The following ARHGAP23 variants were observed in gnomAD, a reference collection of about 807,000 sequenced individuals.
The protein encoded by ARHGAP23 is Rho GTPase activating protein 23.
ARHGAP23 carries 34 observed loss-of-function variants against 136.3 expected under a neutral mutation model. That is an observed-to-expected ratio of 0.25 (90% CI 0.19 to 0.33). The LOEUF is 0.33. Among genes scored for constraint, ARHGAP23 ranks in the 10% least tolerant of loss-of-function variants. The probability of loss-of-function intolerance (pLI) is 1.00; values close to 1 mark genes in which losing one functional copy is unlikely to be tolerated. For synonymous variants in ARHGAP23, 832 were observed against 920.5 expected (o/e 0.90, Z 1.74); for missense variants, 1,808 against 2,139.0 (o/e 0.85, Z 3.05).
chr17:38,425,260 G>A (rs891941004), upstream of ARHGAP23, among the ~76,000 whole-genome samples: 9 of 152,084 alleles, frequency 5.9e-5, no homozygotes, highest in African/African-American at 1.7e-4. Flanking sequence ...TGCCGATGCC[G>A]GAGCCTGCTC....
At chr17:38,479,529 C>T (rs1187547997) in intron 13 of ARHGAP23, 32 bp downstream of exon 13, 21 of 1,541,438 alleles carry the variant, frequency 1.4e-5, no homozygotes, top group Non-Finnish European at 1.8e-5. Context: ...GCAGTCTCCT[C>T]TGTGGGGGTG....
At position 38,490,578 on chromosome 17, in the gene ARHGAP23, G is replaced by C. The variant is rs571411638; in HGVS notation, c.3150+27G>C. 6 of 1,479,700 alleles carry C rather than the reference G, an allele frequency of 4.1e-6. No individual in the cohort carries two copies. In the South Asian group the frequency reaches 7.3e-5, roughly 18 times the overall value. The allele number at this position is 1,479,700 out of a possible 1,614,324, so 91.7% of individuals were successfully genotyped here. ...TGGGTAGGAGTCCCGCATGGAGTCT[G>C]GGGGAGGCAAGCACGGACTTACTGT... is the stretch of plus-strand genomic sequence containing the variant. On this transcript the variant is annotated intron_variant, in intron 19 of 23. Transcript: ENST00000622683.
chr17:38,477,978 G>A lies in ARHGAP23; in HGVS notation c.2436+82G>A. 7.2e-7 allele frequency: 1 copy of A among 1,394,152 alleles called. No homozygotes were observed. The highest frequency in any genetic ancestry group is 1.2e-5 in the South Asian group (1 of 80,394). The allele number at this position is 1,394,152 out of a possible 1,614,324, so 86.4% of individuals were successfully genotyped here. A position where few individuals can be genotyped will look rare whatever the true frequency, so the allele number is the denominator to read the frequency against. On this transcript the variant is annotated intron_variant, in intron 12 of 23. Transcript: ENST00000622683. This position sits in a 1 kb window ranked among gnomAD's most constrained non-coding sequence, Gnocchi z 6.6. ...GCTGTGGACCTGGGATGCCCGCTCTGAGCCTCACTTCCCTCTGCTAGAAAG... is the reference window on the plus strand; with the variant it reads ...GCTGTGGACCTGGGATGCCCGCTCTAAGCCTCACTTCCCTCTGCTAGAAAG...
rs2039582995 is a variant in ARHGAP23 at position 38,466,038 on chromosome 17, TC to T, written c.484-128del. 7.7e-5 allele frequency: 27 copies of T among 348,408 alleles called. No individual in the cohort carries two copies. In the East Asian group the frequency reaches 1.9e-3, roughly 25 times the overall value. The allele number at this position is 348,408 out of a possible 1,614,324, so 21.6% of individuals were successfully genotyped here. A position where few individuals can be genotyped will look rare whatever the true frequency, so the allele number is the denominator to read the frequency against. ...ACCCCCACCCACTTATGCCTCTCCC[TC>T]GTTCCCCCCACCGCTTGGTCCTCTC... On this transcript the variant is annotated intron_variant, in intron 6 of 23. Transcript: ENST00000622683.
chr17:38,510,678 C>A lies in ARHGAP23; in HGVS notation c.4182C>A (p.Pro1394=). ...LAVRLRRPLS[P]ETRRRRSSWR... ...TGCGCCTGCGGCGGCCGCTGTCGCC[C>A]GAGACCCGGCGGCGCCGGAGCAGCT... The change falls in exon 24 of 24, where the codon CCC becomes CCA. Residue 1394 remains proline (P), a synonymous_variant. Coordinates refer to ENST00000622683, the MANE Select transcript of ARHGAP23 (RefSeq NM_001199417.2). The surrounding 1 kb of genome is among the most constrained non-coding windows in gnomAD (Gnocchi z 4.6). 4 of 1,409,482 alleles carry A rather than the reference C, an allele frequency of 2.8e-6. No individual in the cohort carries two copies. The highest frequency in any genetic ancestry group is 3.7e-6 in the Non-Finnish European group (4 of 1,090,396). 87.3% of individuals were successfully genotyped at this position (1,409,482 alleles called of 1,614,324 possible).
chr17:38,419,296 C>T (rs1041659494), exon 1 of ARHGAP23: 7 of 152,008 alleles, frequency 4.6e-5, no homozygotes, highest in African/African-American at 1.7e-4. Flanking sequence ...TTGGCGGTCG[C>T]CGGGTGCAGC....
At position 38,485,847 on chromosome 17, in the gene ARHGAP23, A is replaced by C. The variant is rs192410157; in HGVS notation, c.2908-215A>C. Among the ~76,000 whole-genome samples, 701 of 152,330 alleles carry C rather than the reference A, an allele frequency of 4.6e-3. 11 individuals are homozygous for C. The highest frequency in any genetic ancestry group is 0.016 in the African/African-American group (656 of 41,578). On this transcript the variant is annotated intron_variant, in intron 16 of 23. Coordinates refer to ENST00000622683, the MANE Select transcript of ARHGAP23 (RefSeq NM_001199417.2). ...GAGGTGTTGGAGCCCACGCACTGGC[A>C]GGAGCAGGGAGGGGCTGGGGCCAAG...
intron 20 of ARHGAP23, among the ~76,000 whole-genome samples, chr17:38,493,577 C>T (rs970885397): frequency 2.6e-5 from 4 of 152,164 alleles, no homozygotes; most frequent in African/African-American, 9.7e-5. Flanking sequence ...GGCATCTGAA[C>T]GTAACCAGCC....
At chr17:38,431,274 G>A in intron 1 of ARHGAP23, among the ~76,000 whole-genome samples, 1 of 152,274 alleles carries the variant, frequency 6.6e-6, no homozygotes, top group Non-Finnish European at 1.5e-5. Context: ...TTCCCACCCT[G>A]CCCCATGCTA....
intron 10 of ARHGAP23, among the ~76,000 whole-genome samples, chr17:38,471,219 C>G (rs1250950435): frequency 1.3e-5 from 2 of 152,124 alleles, no homozygotes; most frequent in Non-Finnish European, 2.9e-5. Flanking sequence ...TCCCAAAGTG[C>G]TGGGATTACA....
chr17:38,491,456 C>T lies in ARHGAP23; in HGVS notation c.3200C>T (p.Thr1067Met), dbSNP rs370007777. Residue 1067 changes from threonine (T) to methionine (M), a missense_variant, in exon 20 of 24, where the codon ACG (threonine) becomes ATG (methionine). By Grantham distance (81) the Thr-to-Met change is moderately conservative (BLOSUM62 -1). This residue lies in a region of ARHGAP23 where 22 missense variants were observed against 67.5 expected (regional missense o/e 0.33). Transcript: ENST00000622683. ...GTCTTTGGGCCGACACTGGTGAGGACGTCTGAGGACAACATGACAGACATG... is the reference window on the plus strand; with the variant it reads ...GTCTTTGGGCCGACACTGGTGAGGATGTCTGAGGACAACATGACAGACATG... ...ALVFGPTLVR[T>M]SEDNMTDMVT... The T allele has an allele frequency of 1.4e-5, 22 of 1,549,652 alleles. No individual in the cohort carries two copies. The highest frequency in any genetic ancestry group is 9.8e-5 in the East Asian group (4 of 40,918).
chr17:38,430,488 G>A (rs1284150288), intron 1 of ARHGAP23, among the ~76,000 whole-genome samples: 1 of 152,110 alleles, frequency 6.6e-6, no homozygotes, highest in African/African-American at 2.4e-5. Context: ...GGTGAGGGAG[G>A]GTGCTGGTTC....
chr17:38,505,847 G>A (rs1236437684), intron 23 of ARHGAP23, among the ~76,000 whole-genome samples: 1 of 152,218 alleles, frequency 6.6e-6, no homozygotes, highest in Non-Finnish European at 1.5e-5. Context: ...AGAATCGCTT[G>A]AACTGGGGAG....
In ARHGAP23 at chr17:38,509,997, C is replaced by T. The variant is rs1039714586; in HGVS notation, c.3501C>T (p.Ser1167=). The change falls in exon 24 of 24, where the codon TCC becomes TCT. Residue 1167 remains serine, a synonymous_variant. Coordinates refer to ENST00000622683, the MANE Select transcript of ARHGAP23 (RefSeq NM_001199417.2). ...ACGCCCGGGAGATGCTGGCGATCTC[C>T]TTCATCTCGGCCGTCAACCGCAAGC... ...EPYAREMLAI[S]FISAVNRKRK... 4.8e-6 allele frequency: 6 copies of T among 1,252,084 alleles called. No individual in the cohort carries two copies. The highest frequency in any genetic ancestry group is 4.9e-4 in the Middle Eastern group (2 of 4,092). 77.6% of individuals were successfully genotyped at this position (1,252,084 alleles called of 1,614,324 possible). A position where few individuals can be genotyped will look rare whatever the true frequency, so the allele number is the denominator to read the frequency against.
At chr17:38,424,306 C>T (rs1368700034), upstream of ARHGAP23, among the ~76,000 whole-genome samples, 1 of 152,144 alleles carries the variant, frequency 6.6e-6, no homozygotes, top group East Asian at 1.9e-4. Flanking sequence ...GAAGTCTTCC[C>T]CACCCAAACA....
intron 16 of ARHGAP23, among the ~76,000 whole-genome samples, 175 bp from the exon 17 acceptor site, chr17:38,485,887 C>T (rs2040149073): frequency 6.6e-6 from 1 of 152,272 alleles, no homozygotes; most frequent in Admixed American, 6.5e-5. Flanking sequence ...AGTGTGGGCA[C>T]AGGACCTCTC....
chr17:38,500,060 C>T (rs1298256154), intron 22 of ARHGAP23, among the ~76,000 whole-genome samples: 2 of 152,232 alleles, frequency 1.3e-5, no homozygotes, highest in Non-Finnish European at 2.9e-5. Flanking sequence ...CTCCTGCGTC[C>T]CACCCACTTC....
Position 38,469,447 on chromosome 17 carries a change from C to T in ARHGAP23, c.1805-77C>T, listed in dbSNP as rs548502343. 1.1e-5 allele frequency: 16 copies of T among 1,477,536 alleles called. No homozygotes were observed. In the East Asian group the frequency reaches 3.5e-4, roughly 32 times the overall value. The allele number at this position is 1,477,536 out of a possible 1,614,324, so 91.5% of individuals were successfully genotyped here. On this transcript the variant is annotated intron_variant, in intron 8 of 23. Transcript: ENST00000622683. Reference sequence around the variant, plus strand: ...TTGGGAGAGTCACCTCCTGCCCCTGCCCAGAAGGGAGGGCTCTGGGAAGCC... The same window carrying T: ...TTGGGAGAGTCACCTCCTGCCCCTGTCCAGAAGGGAGGGCTCTGGGAAGCC...
chr17:38,489,873 C>T lies in ARHGAP23; in HGVS notation c.2987-229C>T, dbSNP rs2144749366. The T allele has an allele frequency of 5.4e-6, 3 of 554,162 alleles. No homozygotes were observed. In the South Asian group the frequency reaches 6.9e-5, roughly 13 times the overall value. 34.3% of individuals were successfully genotyped at this position (554,162 alleles called of 1,614,324 possible). Reference sequence around the variant, plus strand: ...GATGGTATTGCCTCCCAAATGAACACAGCTGGGCTACCCCAGGTCAGGTGC... The same window carrying T: ...GATGGTATTGCCTCCCAAATGAACATAGCTGGGCTACCCCAGGTCAGGTGC... On this transcript the variant is annotated intron_variant, in intron 17 of 23. Coordinates refer to ENST00000622683, the MANE Select transcript of ARHGAP23 (RefSeq NM_001199417.2).
Sources: gnomAD v4.1 joint callset for allele counts (sites outside exome capture counted in the v4.1 genomes callset) on GRCh38, gnomAD v4.1.1 for gene constraint, gnomAD v4.1.1 regional missense constraint, Gnocchi (gnomAD v3.1) non-coding constraint, MANE v1.5 for transcripts, NCBI Gene and HGNC (gene_info 2026-07-23, HGNC 2026-07-21) for gene names.